The following PRR5 variants were observed in gnomAD, a reference collection of about 807,000 sequenced individuals.
PRR5 encodes the protein proline rich 5, also known as proline-rich protein 5.
PRR5 carries 25 observed loss-of-function variants against 30.6 expected under a neutral mutation model. The observed-to-expected ratio is 0.82, with a 90% CI of 0.60 to 1.14. The LOEUF is 1.14. Ranked by LOEUF, PRR5 falls within the 50% of genes most tolerant of loss-of-function variation. The pLI is 0.00. For synonymous variants in PRR5, 286 were observed against 247.1 expected (o/e 1.16, Z -1.48); for missense variants, 600 against 547.1 (o/e 1.10, Z -0.96).
rs1188695206 is a variant in PRR5 at position 44,732,168 on chromosome 22, C to A, written c.415-83C>A. ...CCTGAGGGTCGGCAGGTCTCTTCCC[C>A]CTGTGGGGTCCCAGGACCGGGAGAG... is the stretch of plus-strand genomic sequence containing the variant. On this transcript the variant is annotated intron_variant, in intron 5 of 7. Transcript: ENST00000336985. 5 of 1,570,778 alleles carry A rather than the reference C, an allele frequency of 3.2e-6. No homozygotes were observed. In the African/African-American group the frequency reaches 6.7e-5, roughly 21 times the overall value.
intron 6 of PRR5, 58 bp from the exon 7 acceptor site, chr22:44,734,969 C>T: frequency 6.5e-7 from 1 of 1,543,412 alleles, no homozygotes. Flanking sequence ...TGGTTGAGAG[C>T]CTGGAGCCAC....
Position 44,702,318 on chromosome 22 carries a change from C to T in PRR5, c.-157C>T, listed in dbSNP as rs1444344892. The T allele has an allele frequency of 1.7e-6, 2 of 1,148,408 alleles. No homozygotes were observed. Among genetic ancestry groups the T allele is most frequent in the Non-Finnish European group, 2.2e-6 (2 of 927,800 alleles). The allele number at this position is 1,148,408 out of a possible 1,614,324, so 71.1% of individuals were successfully genotyped here. ...CGGCGCGGGACCCGAGACGGAGGCG[C>T]GGGGCCGGGGCGGGACCCCGCAGGA... On this transcript the variant is annotated 5_prime_UTR_variant, in exon 1 of 8. Coordinates refer to ENST00000336985, the MANE Select transcript of PRR5 (RefSeq NM_181333.4).
intron 6 of PRR5, among the ~76,000 whole-genome samples, chr22:44,732,774 TG>T (rs778704413): frequency 3.6e-4 from 38 of 106,460 alleles, no homozygotes; most frequent in Non-Finnish European, 5.1e-4. Context: ...CACACATGCC[TG>T]TGTGCACGCA....
rs773291000 is a variant in PRR5, at chr22:44,679,913, A to G, written c.-11+2673A>G. On this transcript the variant is annotated intron_variant, in intron 1 of 8. Transcript: ENST00000006251. ...GCCACTGTGCCGAAGGGTGGCTACG[A>G]GGGAGGCAGGTGTATGGGTGAGGGT... The G allele has an allele frequency of 5.1e-6, 8 of 1,553,734 alleles. No homozygotes were observed. In the South Asian group the frequency reaches 9.5e-5, roughly 18 times the overall value.
At chr22:44,731,500 G>T in intron 4 of PRR5, 1 of 582,324 alleles carries the variant, frequency 1.7e-6, no homozygotes, top group Non-Finnish European at 3.1e-6. Context: ...AGCTCTGGGA[G>T]GCCAATCCCT....
chr22:44,711,236 C>G (rs946275674), intron 1 of PRR5, among the ~76,000 whole-genome samples: 2 of 152,142 alleles, frequency 1.3e-5, no homozygotes, highest in African/African-American at 4.8e-5. Flanking sequence ...GAGGTCTAAC[C>G]GTAAGCCAAG....
chr22:44,672,070 G>C (rs1923458355), upstream of PRR5, among the ~76,000 whole-genome samples: 1 of 152,206 alleles, frequency 6.6e-6, no homozygotes, highest in South Asian at 2.1e-4. Flanking sequence ...CCGTGGTATT[G>C]GTATTAATGT....
intron 4 of PRR5, chr22:44,729,236 G>A (rs950462754): frequency 2.6e-5 from 23 of 881,686 alleles, no homozygotes; most frequent in East Asian, 2.4e-4. Context: ...CACCCAGCGC[G>A]TGGCTTTTGT....
intron 3 of PRR5, 87 bp from the exon 4 acceptor site, chr22:44,726,490 G>C: frequency 6.3e-7 from 1 of 1,596,846 alleles, no homozygotes; most frequent in Non-Finnish European, 8.5e-7. Flanking sequence ...GCTGCTCACT[G>C]GTGGATGGAC....
intron 1 of PRR5, among the ~76,000 whole-genome samples, chr22:44,711,133 C>T (rs1411271502): frequency 6.6e-6 from 1 of 152,182 alleles, no homozygotes; most frequent in African/African-American, 2.4e-5. Flanking sequence ...GAGGGAAGGG[C>T]GTGCCATGGC....
chr22:44,677,840 G>C (rs1923901556), intron 1 of PRR5, among the ~76,000 whole-genome samples: 1 of 152,212 alleles, frequency 6.6e-6, no homozygotes. Flanking sequence ...AGCAAGCAAG[G>C]ATCACACCTG....
intron 1 of PRR5, among the ~76,000 whole-genome samples, chr22:44,711,119 C>T (rs928525858): frequency 6.6e-6 from 1 of 152,124 alleles, no homozygotes; most frequent in African/African-American, 2.4e-5. Flanking sequence ...CTCAGGCCTC[C>T]ACGGAGGGAA....
chr22:44,674,125 C>T (rs555855535), upstream of PRR5, among the ~76,000 whole-genome samples: 3 of 151,894 alleles, frequency 2.0e-5, no homozygotes, highest in African/African-American at 4.8e-5. Context: ...TACAGCTCTA[C>T]GGTTCTGTAT....
intron 2 of PRR5, among the ~76,000 whole-genome samples, chr22:44,718,638 G>A (rs1012104063): frequency 4.7e-5 from 3 of 63,918 alleles, no homozygotes; most frequent in Non-Finnish European, 9.9e-5. Flanking sequence ...AAGCAGGGCA[G>A]GAGAGTTCAG....
intron 1 of PRR5, among the ~76,000 whole-genome samples, chr22:44,707,222 C>T (rs972435288): frequency 5.3e-5 from 8 of 152,352 alleles, no homozygotes; most frequent in Middle Eastern, 3.4e-3. Flanking sequence ...CTATGAAGGC[C>T]GTGCTCTTGG....
chr22:44,700,666 T>C (rs571977019), upstream of PRR5, among the ~76,000 whole-genome samples: 78 of 152,316 alleles, frequency 5.1e-4, no homozygotes, highest in African/African-American at 1.7e-3. Context: ...AGTTAGTTTA[T>C]AAAGCACCTG....
At chr22:44,671,622 A>G (rs1453100334) in intron 1 of PRR5, among the ~76,000 whole-genome samples, 1 of 151,984 alleles carries the variant, frequency 6.6e-6, no homozygotes, top group African/African-American at 2.4e-5. Context: ...ACCTGCCCTG[A>G]CTAAAGCTGG....
intron 6 of PRR5, among the ~76,000 whole-genome samples, chr22:44,732,866 A>G (rs1474503032): frequency 7.7e-6 from 1 of 129,862 alleles, no homozygotes; most frequent in South Asian, 2.4e-4. Context: ...ACACGCACAT[A>G]CTACACACTG....
upstream of PRR5, among the ~76,000 whole-genome samples, chr22:44,675,505 C>CCA (rs1601942710): frequency 6.6e-6 from 1 of 152,160 alleles, no homozygotes; most frequent in Non-Finnish European, 1.5e-5. Context: ...AGTATCTGTC[C>CCA]CATGGCTGTT....
Sources: allele counts gnomAD v4.1 joint callset (sites outside exome capture counted in the v4.1 genomes callset), GRCh38; gene constraint gnomAD v4.1.1; transcripts MANE v1.5; gene names NCBI Gene and HGNC (gene_info 2026-07-23, HGNC 2026-07-21).